The following ATRNL1 variants were observed in gnomAD, a reference collection of about 807,000 sequenced individuals.
ATRNL1 encodes the protein attractin like 1, also known as attractin-like protein 1.
In ATRNL1, 95 loss-of-function variants were observed where a neutral mutation model predicts 182.7. The ratio of observed to expected loss-of-function variants is 0.52; its 90% CI spans 0.44 to 0.62. The LOEUF is 0.62. Ranked by LOEUF, ATRNL1 falls within the 20% of genes least tolerant of loss-of-function variation. The probability of loss-of-function intolerance (pLI) is 0.00; values close to 1 mark genes in which losing one functional copy is unlikely to be tolerated. For synonymous variants in ATRNL1, 576 were observed against 568.3 expected (o/e 1.01, Z -0.19); for missense variants, 1,471 against 1,679.5 (o/e 0.88, Z 2.17).
chr10:115,384,146 A>G lies in ATRNL1; in HGVS notation c.3176-10513A>G, dbSNP rs1012915676. 2.0e-5 allele frequency among the ~76,000 whole-genome samples: 3 copies of G among 152,048 alleles called. 1 individual carries two copies. Among genetic ancestry groups the G allele is most frequent in the Non-Finnish European group, 4.4e-5 (3 of 67,910 alleles). On this transcript the variant is annotated intron_variant, in intron 19 of 28. Transcript: ENST00000355044. ...AAAGATGCAAAACCTATGCAAACAA[A>G]TGAAAGTAAATATATTAACTTTTCT...
chr10:115,639,124 A>C (rs1353262577), intron 26 of ATRNL1, among the ~76,000 whole-genome samples: 1 of 152,228 alleles, frequency 6.6e-6, no homozygotes, highest in African/African-American at 2.4e-5. Flanking sequence ...TGAAAAATAT[A>C]ATCAGAGAAG....
At chr10:115,245,384 G>A (rs1293412307) in intron 10 of ATRNL1, among the ~76,000 whole-genome samples, 2 of 150,932 alleles carry the variant, frequency 1.3e-5, no homozygotes, top group African/African-American at 4.9e-5. Flanking sequence ...CTGTAATCCT[G>A]GCTACTCAGG....
At chr10:115,335,725 A>C (rs1286068950) in intron 19 of ATRNL1, among the ~76,000 whole-genome samples, 1 of 152,204 alleles carries the variant, frequency 6.6e-6, no homozygotes, top group African/African-American at 2.4e-5. Flanking sequence ...GTGTACTTCA[A>C]ATCATCTTTA....
chr10:115,185,018 A>G (rs548245297), intron 8 of ATRNL1, among the ~76,000 whole-genome samples: 1 of 152,130 alleles, frequency 6.6e-6, no homozygotes, highest in Admixed American at 6.6e-5. Context: ...TTTGGGAACC[A>G]AAGTTCTTCA....
At chr10:115,683,584 C>T (rs1356867144) in intron 26 of ATRNL1, among the ~76,000 whole-genome samples, 4 of 94,274 alleles carry the variant, frequency 4.2e-5, no homozygotes, top group South Asian at 4.0e-4. Context: ...ATATATTTAA[C>T]ACCTTTTGAT....
intron 26 of ATRNL1, among the ~76,000 whole-genome samples, chr10:115,681,151 A>C (rs1946034257): frequency 6.6e-6 from 1 of 152,268 alleles, no homozygotes. Context: ...ACATCTTCTC[A>C]TGTACAAAAT....
At chr10:115,094,493 C>T (rs2084963364) in intron 1 of ATRNL1, among the ~76,000 whole-genome samples, 1 of 152,186 alleles carries the variant, frequency 6.6e-6, no homozygotes, top group African/African-American at 2.4e-5. Context: ...CTCTCTCTTT[C>T]CCCATTCTCT....
chr10:115,450,862 C>T (rs1213424386), intron 21 of ATRNL1, among the ~76,000 whole-genome samples: 1 of 152,086 alleles, frequency 6.6e-6, no homozygotes, highest in Non-Finnish European at 1.5e-5. Flanking sequence ...TTCACGTTAC[C>T]CAGCTTCAAA....
At chr10:115,646,064 C>CACACACACACACACACAA in intron 26 of ATRNL1, among the ~76,000 whole-genome samples, 1 of 151,678 alleles carries the variant, frequency 6.6e-6, no homozygotes, top group South Asian at 2.1e-4. Flanking sequence ...CACACACACA[C>CACACACACACACACACAA]ACACAAACAT....
At chr10:115,382,916 A>T (rs1277469703) in intron 19 of ATRNL1, among the ~76,000 whole-genome samples, 5 of 151,924 alleles carry the variant, frequency 3.3e-5, no homozygotes, top group Non-Finnish European at 5.9e-5. Flanking sequence ...TCAATTGTCC[A>T]TAAATGTAAT....
intron 27 of ATRNL1, among the ~76,000 whole-genome samples, chr10:115,731,665 T>TA (rs1555062858): frequency 1.3e-5 from 2 of 149,482 alleles, no homozygotes; most frequent in Admixed American, 1.3e-4. Context: ...TATAATGTTC[T>TA]AATATTTAAT....
At chr10:115,649,192 G>C (rs1555033648) in intron 26 of ATRNL1, among the ~76,000 whole-genome samples, 1 of 152,004 alleles carries the variant, frequency 6.6e-6, no homozygotes, top group African/African-American at 2.4e-5. Context: ...TTATCATTTT[G>C]AGTTAACAGT....
intron 13 of ATRNL1, among the ~76,000 whole-genome samples, chr10:115,275,461 A>C (rs1257418510): frequency 6.6e-6 from 1 of 152,184 alleles, no homozygotes; most frequent in Non-Finnish European, 1.5e-5. Flanking sequence ...GAGCAACTTC[A>C]TGCTCAACTC....
At chr10:115,468,420 G>A (rs2134560161) in intron 23 of ATRNL1, among the ~76,000 whole-genome samples, 1 of 150,862 alleles carries the variant, frequency 6.6e-6, no homozygotes, top group African/African-American at 2.4e-5. Context: ...TTTAATAAAT[G>A]TACACAAGGT....
chr10:115,768,025 G>A (rs1003915429), intron 27 of ATRNL1, among the ~76,000 whole-genome samples: 5 of 152,114 alleles, frequency 3.3e-5, no homozygotes, highest in Non-Finnish European at 2.9e-5. Context: ...TAGTAAGAAT[G>A]TTAAAGACAT....
intron 5 of ATRNL1, among the ~76,000 whole-genome samples, chr10:115,150,306 G>A (rs1846164713): frequency 6.7e-6 from 1 of 149,066 alleles, no homozygotes; most frequent in Non-Finnish European, 1.5e-5. Flanking sequence ...TTGATCCTTT[G>A]TATTTTTTTT....
At chr10:115,499,707 T>C (rs547756639) in intron 24 of ATRNL1, among the ~76,000 whole-genome samples, 1 of 152,272 alleles carries the variant, frequency 6.6e-6, no homozygotes, top group African/African-American at 2.4e-5. Flanking sequence ...TTGCATTCAT[T>C]TGAGTTTCTG....
chr10:115,765,003 T>C (rs1211686942), intron 27 of ATRNL1, among the ~76,000 whole-genome samples: 1 of 152,190 alleles, frequency 6.6e-6, no homozygotes, highest in African/African-American at 2.4e-5. Context: ...TCCTGATAGC[T>C]AATTTCTTTT....
At chr10:115,106,406 A>G (rs1254790521) in intron 1 of ATRNL1, among the ~76,000 whole-genome samples, 1 of 152,130 alleles carries the variant, frequency 6.6e-6, no homozygotes, top group Non-Finnish European at 1.5e-5. Flanking sequence ...GGGTGCTGAA[A>G]TGAGTTAAGA....
Sources: gnomAD v4.1 joint callset for allele counts (sites outside exome capture counted in the v4.1 genomes callset) on GRCh38, gnomAD v4.1.1 for gene constraint, MANE v1.5 for transcripts, NCBI Gene and HGNC (gene_info 2026-07-23, HGNC 2026-07-21) for gene names.